The following PROM1 variants were observed in gnomAD, a reference collection of about 807,000 sequenced individuals.
The protein encoded by PROM1 is prominin 1.
In PROM1, 105 loss-of-function variants were observed where a neutral mutation model predicts 116.9. That is an observed-to-expected ratio of 0.90 (90% CI 0.77 to 1.06). The LOEUF (loss-of-function observed/expected upper bound fraction) is 1.06. PROM1 is among the 50% of genes least tolerant of loss of function. The pLI, the probability that PROM1 is intolerant of heterozygous loss-of-function variation, is 0.00. For missense variants in PROM1, 1,122 were observed against 1,045.2 expected (o/e 1.07, Z -1.01); for synonymous variants, 393 against 387.0 (o/e 1.02, Z -0.18).
intron 2 of PROM1, among the ~76,000 whole-genome samples, chr4:16,066,699 C>G (rs1043343324): frequency 3.9e-5 from 6 of 152,222 alleles, no homozygotes; most frequent in African/African-American, 1.4e-4. Flanking sequence ...CATTTCTGCT[C>G]AAGCCCAGTG....
At chr4:16,017,150 G>A (rs1728598935) in intron 9 of PROM1, among the ~76,000 whole-genome samples, 1 of 152,070 alleles carries the variant, frequency 6.6e-6, no homozygotes, top group African/African-American at 2.4e-5. Flanking sequence ...TACCTTTTGA[G>A]AAAAGAACAA....
intron 11 of PROM1, among the ~76,000 whole-genome samples, chr4:16,009,919 A>G (rs1239605398): frequency 7.0e-6 from 1 of 143,296 alleles, no homozygotes; most frequent in Admixed American, 7.2e-5. Context: ...TGGGTGACAT[A>G]GCAAGACTCG....
intron 22 of PROM1, 181 bp downstream of exon 22, chr4:15,985,579 G>A (rs1719157888): frequency 3.3e-6 from 2 of 610,424 alleles, no homozygotes; most frequent in East Asian, 3.0e-5. Context: ...GGACCAGGAG[G>A]TGGCTGTCCT....
At chr4:16,063,622 G>A (rs960674520) in intron 2 of PROM1, among the ~76,000 whole-genome samples, 1 of 152,040 alleles carries the variant, frequency 6.6e-6, no homozygotes, top group African/African-American at 2.4e-5. Context: ...ATAAATAGAT[G>A]TAAGGAGATA....
At chr4:16,068,181 G>C (rs1387972413) in intron 2 of PROM1, among the ~76,000 whole-genome samples, 4 of 152,170 alleles carry the variant, frequency 2.6e-5, no homozygotes, top group African/African-American at 9.7e-5. Context: ...GAGTCCTGAT[G>C]AGAAACTCCC....
Position 15,968,355 on chromosome 4 carries a change from T to C in PROM1, c.*1038A>G, listed in dbSNP as rs1713583533. ...TAAATTTTGTCCGACCAGTTCTTCATTGCTGATCACTTTTGATAATGACAG... is the reference window on the plus strand; with the variant it reads ...TAAATTTTGTCCGACCAGTTCTTCACTGCTGATCACTTTTGATAATGACAG... On this transcript the variant is annotated 3_prime_UTR_variant, in exon 28 of 28. Coordinates refer to ENST00000447510, the MANE Select transcript of PROM1 (RefSeq NM_006017.3). 1 of 152,208 alleles carries C rather than the reference T, an allele frequency of 6.6e-6. No homozygotes were observed. Among genetic ancestry groups the C allele is most frequent in the South Asian group, 2.1e-4 (1 of 4,834 alleles). 9.4% of individuals were successfully genotyped at this position (152,208 alleles called of 1,614,324 possible). A position where few individuals can be genotyped will look rare whatever the true frequency, so the allele number is the denominator to read the frequency against.
chr4:16,013,297 G>A lies in PROM1; in HGVS notation c.1119C>T (p.Arg373=). ...SLNDIPDRVQ[R]QTTTVVAGIK... is the part of the protein sequence containing the mutation. ...CACCTGCTACGACAGTCGTGGTTTG[G>A]CGTTGTACTCTGTCAGGTATATCAT... is the stretch of plus-strand genomic sequence containing the variant. The change falls in exon 11 of 28, where the codon CGC becomes CGT. Residue 373 remains arginine (R), a synonymous_variant. Transcript: ENST00000447510. 1 of 1,609,456 alleles carries A rather than the reference G, an allele frequency of 6.2e-7. No individual in the cohort carries two copies. The highest frequency in any genetic ancestry group is 8.5e-7 in the Non-Finnish European group (1 of 1,175,836).
intron 19 of PROM1, among the ~76,000 whole-genome samples, chr4:15,989,291 G>A (rs1316290472): frequency 6.6e-6 from 1 of 152,118 alleles, no homozygotes; most frequent in East Asian, 1.9e-4. Context: ...CAAATGGAAA[G>A]GATGGAAGAG....
intron 23 of PROM1, 50 bp from the exon 24 acceptor site, chr4:15,980,587 A>G (rs1717577632): frequency 1.7e-6 from 2 of 1,162,426 alleles, no homozygotes; most frequent in Non-Finnish European, 2.4e-6. Context: ...AAGAAATGGG[A>G]AAAACAGTTG....
intron 5 of PROM1, among the ~76,000 whole-genome samples, chr4:16,025,941 T>C (rs1273107831): frequency 6.6e-6 from 1 of 152,176 alleles, no homozygotes; most frequent in Non-Finnish European, 1.5e-5. Context: ...TTTTATTTCA[T>C]CTACAGAAAG....
chr4:16,016,281 C>G, intron 9 of PROM1, 41 bp from the exon 10 acceptor site: 1 of 1,450,594 alleles, frequency 6.9e-7, no homozygotes, highest in East Asian at 2.5e-5. Context: ...AGGTTGTTAC[C>G]TTCAAAACAA....
At chr4:16,047,591 G>GTTACAATTAGTTTCA (rs1454542708) in intron 2 of PROM1, among the ~76,000 whole-genome samples, 4 of 152,090 alleles carry the variant, frequency 2.6e-5, no homozygotes, top group African/African-American at 9.7e-5. Flanking sequence ...AATTAGTTTC[G>GTTACAATTAGTTTCA]TTAAACTAGT....
At chr4:16,033,583 G>GTTTTTT in intron 4 of PROM1, 74 bp from the exon 5 acceptor site, 4 of 265,616 alleles carry the variant, frequency 1.5e-5, no homozygotes, top group South Asian at 7.2e-5. Flanking sequence ...GGTGTACAAA[G>GTTTTTT]TTCTTTTTTT....
rs60492380 is a variant in PROM1, at chr4:16,033,586, C to CTT, written c.304-79_304-78dup. 80,265 of 268,008 alleles carry CTT rather than the reference C, an allele frequency of 0.3. 12,191 individuals carry two copies. Among genetic ancestry groups the CTT allele is most frequent in the African/African-American group, 0.61 (20,571 of 33,980 alleles). The allele number at this position is 268,008 out of a possible 1,614,324, so 16.6% of individuals were successfully genotyped here. On this transcript the variant is annotated intron_variant, in intron 4 of 27. Transcript: ENST00000447510. ...AGAACATTCCATGGTGTACAAAGTT[C>CTT]TTTTTTTTTTTTTTTTTTTTTGAGA...
chr4:15,974,118 T>TCTCTCTC (rs1715450315), intron 26 of PROM1, among the ~76,000 whole-genome samples: 11 of 149,358 alleles, frequency 7.4e-5, no homozygotes, highest in African/African-American at 2.2e-4. Context: ...CTCTCTCTCT[T>TCTCTCTC]TCTCTCTCTC....
chr4:15,985,673 A>C (rs1719183106), intron 22 of PROM1, 87 bp downstream of exon 22: 1 of 999,480 alleles, frequency 1.0e-6, no homozygotes, highest in Non-Finnish European at 1.5e-6. Flanking sequence ...TGGGAAATTT[A>C]ATTTTATTTC....
At position 15,971,999 on chromosome 4, in the gene PROM1, G is replaced by C. The variant is rs1390473436; in HGVS notation, c.2583-917C>G. The C allele has an allele frequency of 2.6e-5, 4 of 152,342 alleles. No homozygotes were observed. In the East Asian group the frequency reaches 7.7e-4, roughly 29 times the overall value. The allele number at this position is 152,342 out of a possible 1,614,324, so 9.4% of individuals were successfully genotyped here. ...GGGGCTGGCTCAATCTCTTGTTACT[G>C]TCCACCTCACCAGGACCTGGAGCTG... On this transcript the variant is annotated intron_variant, in intron 26 of 27. Transcript: ENST00000447510.
intron 13 of PROM1, among the ~76,000 whole-genome samples, chr4:16,005,618 G>A (rs180975798): frequency 1.3e-4 from 19 of 151,812 alleles, no homozygotes; most frequent in Admixed American, 4.6e-4. Context: ...TCTCCAGCCC[G>A]CTCACTCACA....
intron 15 of PROM1, among the ~76,000 whole-genome samples, chr4:15,997,725 A>G (rs555470680): frequency 7.9e-5 from 12 of 152,176 alleles, no homozygotes; most frequent in Non-Finnish European, 1.5e-4. Flanking sequence ...TCAGCCTCCC[A>G]AAGTGCTGGG....
Sources: allele counts gnomAD v4.1 joint callset (sites outside exome capture counted in the v4.1 genomes callset), GRCh38; gene constraint gnomAD v4.1.1; transcripts MANE v1.5; gene names NCBI Gene and HGNC (gene_info 2026-07-23, HGNC 2026-07-21).